CCSER1: variants seen among roughly 807,000 people sequenced by gnomAD.
CCSER1 encodes the protein serine-rich coiled-coil domain-containing protein 1.
A neutral mutation model predicts 82.0 loss-of-function variants in CCSER1; 41 were observed. The ratio of observed to expected loss-of-function variants is 0.50; its 90% CI spans 0.39 to 0.65. The LOEUF (loss-of-function observed/expected upper bound fraction) is 0.65, where lower values mean the gene tolerates loss of function less well. Ranked by LOEUF, CCSER1 falls within the 30% of genes least tolerant of loss-of-function variation. The pLI is 0.00. For synonymous variants in CCSER1, 414 were observed against 383.9 expected (o/e 1.08, Z -0.92); for missense variants, 1,119 against 1,064.2 (o/e 1.05, Z -0.72).
chr4:91,165,727 C>T (rs1028564689), intron 10 of CCSER1, among the ~76,000 whole-genome samples: 2 of 152,260 alleles, frequency 1.3e-5, no homozygotes, highest in African/African-American at 2.4e-5. Flanking sequence ...GGGCATGGCA[C>T]CCGCCAAACC....
chr4:91,496,593 T>TATATATTCA (rs1210304882), intron 10 of CCSER1, among the ~76,000 whole-genome samples: 678 of 22,978 alleles, frequency 0.03, 228 homozygotes, highest in Non-Finnish European at 0.051. Context: ...TATACACGAA[T>TATATATTCA]ATATATTTGA....
chr4:90,600,557 A>G (rs190367467), intron 5 of CCSER1, among the ~76,000 whole-genome samples: 69 of 152,212 alleles, frequency 4.5e-4, no homozygotes, highest in Admixed American at 2.3e-3. Context: ...TATTTTGGAT[A>G]CATGTCAATT....
At chr4:90,508,493 G>A (rs996830588) in intron 5 of CCSER1, among the ~76,000 whole-genome samples, 3 of 151,790 alleles carry the variant, frequency 2.0e-5, no homozygotes, top group East Asian at 3.9e-4. Flanking sequence ...TCTCTACATA[G>A]GAATCCTCCA....
At chr4:91,473,408 C>A (rs566749057) in intron 10 of CCSER1, among the ~76,000 whole-genome samples, 227 of 152,152 alleles carry the variant, frequency 1.5e-3, no homozygotes, top group African/African-American at 5.2e-3. Flanking sequence ...GAACAGAGAT[C>A]AAGTACTGGT....
chr4:91,298,665 C>T (rs947106600), intron 10 of CCSER1, among the ~76,000 whole-genome samples: 3 of 151,868 alleles, frequency 2.0e-5, no homozygotes, highest in Admixed American at 2.0e-4. Flanking sequence ...AGGAAAAAAA[C>T]CTTCTTTACA....
At chr4:91,454,777 A>C (rs1756060934) in intron 10 of CCSER1, among the ~76,000 whole-genome samples, 1 of 151,856 alleles carries the variant, frequency 6.6e-6, no homozygotes, top group Non-Finnish European at 1.5e-5. Context: ...ACATCTAATT[A>C]AGGTGTTCTG....
rs141580408 is a variant in CCSER1 at position 91,145,291 on chromosome 4, T to A, written c.2217+59297T>A. Reference sequence around the variant, plus strand: ...ATGAATAGTGTTCCCTACTCTTTTTTTGTTATCCATTTGCATAATAGTTCT... The same window carrying A: ...ATGAATAGTGTTCCCTACTCTTTTTATGTTATCCATTTGCATAATAGTTCT... On this transcript the variant is annotated intron_variant, in intron 10 of 10. Transcript: ENST00000509176. Among the ~76,000 whole-genome samples, 11 of 152,304 alleles carry A rather than the reference T, an allele frequency of 7.2e-5. No individual in the cohort carries two copies. In the East Asian group the frequency reaches 1.9e-3, roughly 27 times the overall value.
At chr4:90,627,090 A>G (rs572120466) in intron 5 of CCSER1, among the ~76,000 whole-genome samples, 3 of 152,300 alleles carry the variant, frequency 2.0e-5, no homozygotes, top group South Asian at 4.1e-4. Flanking sequence ...ATAATTTTTT[A>G]TTCCTTATTT....
At chr4:90,899,782 A>G (rs1724320984) in intron 8 of CCSER1, among the ~76,000 whole-genome samples, 1 of 152,066 alleles carries the variant, frequency 6.6e-6, no homozygotes, top group African/African-American at 2.4e-5. Flanking sequence ...CCATTGTTTC[A>G]TCCTAGTAAC....
At chr4:90,870,560 T>G (rs1766343252) in intron 8 of CCSER1, among the ~76,000 whole-genome samples, 1 of 151,882 alleles carries the variant, frequency 6.6e-6, no homozygotes, top group South Asian at 2.1e-4. Context: ...TGAATGATCT[T>G]TTTAATGTGT....
intron 5 of CCSER1, among the ~76,000 whole-genome samples, chr4:90,603,569 T>A (rs1784282185): frequency 6.6e-6 from 1 of 152,184 alleles, no homozygotes; most frequent in South Asian, 2.1e-4. Context: ...ATGTTGAAAT[T>A]GAAAACAATC....
intron 6 of CCSER1, among the ~76,000 whole-genome samples, chr4:90,707,144 T>G (rs1739499316): frequency 6.6e-6 from 1 of 152,184 alleles, no homozygotes. Flanking sequence ...ATTATAGTCC[T>G]CACTCATGTT....
intron 1 of CCSER1, among the ~76,000 whole-genome samples, chr4:90,248,498 A>C (rs1199677458): frequency 1.3e-5 from 2 of 152,150 alleles, no homozygotes; most frequent in Non-Finnish European, 2.9e-5. Context: ...CAGTATGTAG[A>C]GAGCTTCAAA....
At chr4:91,472,376 C>T (rs1757329515) in intron 10 of CCSER1, among the ~76,000 whole-genome samples, 1 of 152,190 alleles carries the variant, frequency 6.6e-6, no homozygotes. Context: ...AATGTTCTTA[C>T]TTGAGTCTGT....
chr4:90,936,890 T>C (rs1339323768), intron 9 of CCSER1, among the ~76,000 whole-genome samples: 1 of 152,190 alleles, frequency 6.6e-6, no homozygotes, highest in African/African-American at 2.4e-5. Flanking sequence ...TGCATCTGTG[T>C]GTAACATACA....
At chr4:90,508,364 C>T (rs908847354) in intron 5 of CCSER1, among the ~76,000 whole-genome samples, 2 of 151,860 alleles carry the variant, frequency 1.3e-5, no homozygotes, top group African/African-American at 2.4e-5. Context: ...TGTCCTTTTT[C>T]TGGATTTTTT....
chr4:90,897,892 TG>T (rs1455806023), intron 8 of CCSER1, among the ~76,000 whole-genome samples: 1 of 152,164 alleles, frequency 6.6e-6, no homozygotes, highest in African/African-American at 2.4e-5. Flanking sequence ...TTCATATGTT[TG>T]TTGGCAACTT....
At chr4:91,265,247 C>T (rs547372302) in intron 10 of CCSER1, among the ~76,000 whole-genome samples, 1 of 151,904 alleles carries the variant, frequency 6.6e-6, no homozygotes, top group African/African-American at 2.4e-5. Flanking sequence ...TTTCAGTAAA[C>T]AATTTAATTA....
At chr4:90,142,993 A>G (rs754526262) in intron 1 of CCSER1, among the ~76,000 whole-genome samples, 1 of 152,140 alleles carries the variant, frequency 6.6e-6, no homozygotes, top group Non-Finnish European at 1.5e-5. Context: ...AAATCACTTA[A>G]TTTTTATTTA....
Sources: allele counts gnomAD v4.1 joint callset (sites outside exome capture counted in the v4.1 genomes callset), GRCh38; gene constraint gnomAD v4.1.1; transcripts MANE v1.5; gene names NCBI Gene and HGNC (gene_info 2026-07-23, HGNC 2026-07-21).